ARAP2: variants seen among roughly 807,000 people sequenced by gnomAD.
ARAP2 encodes the protein ArfGAP with RhoGAP domain, ankyrin repeat and PH domain 2, also known as arf-GAP with Rho-GAP domain, ANK repeat and PH domain-containing protein 2.
Under a neutral mutation model 194.5 loss-of-function variants are expected in ARAP2, and 148 were observed. The observed-to-expected ratio is 0.76, with a 90% CI of 0.67 to 0.87. The LOEUF is 0.87. Among genes scored for constraint, ARAP2 ranks in the 40% least tolerant of loss-of-function variants. ARAP2 has a pLI of 0.00. For synonymous variants in ARAP2, 695 were observed against 683.5 expected (o/e 1.02, Z -0.26); for missense variants, 2,128 against 1,989.7 (o/e 1.07, Z -1.32).
At chr4:36,206,425 TC>T (rs1411831757) in intron 6 of ARAP2, among the ~76,000 whole-genome samples, 1 of 152,160 alleles carries the variant, frequency 6.6e-6, no homozygotes, top group Admixed American at 6.5e-5. Context: ...AACTCCAACC[TC>T]CACCTGCTCA....
At chr4:36,189,182 TAAAC>T (rs1488278148) in intron 7 of ARAP2, among the ~76,000 whole-genome samples, 1 of 152,196 alleles carries the variant, frequency 6.6e-6, no homozygotes, top group Non-Finnish European at 1.5e-5. Context: ...AAGCACTTAG[TAAAC>T]AACTTATTTC....
At chr4:36,115,922 C>A (rs1227713309) in intron 25 of ARAP2, among the ~76,000 whole-genome samples, 5 of 151,964 alleles carry the variant, frequency 3.3e-5, no homozygotes, top group Admixed American at 3.3e-4. Flanking sequence ...TCAATTATAA[C>A]TTCTGTTGTG....
At chr4:36,217,661 C>T (rs1748246001) in intron 2 of ARAP2, among the ~76,000 whole-genome samples, 1 of 150,726 alleles carries the variant, frequency 6.6e-6, no homozygotes, top group South Asian at 2.1e-4. Flanking sequence ...TAAAATGGTG[C>T]CAAATAGTAT....
intron 2 of ARAP2, among the ~76,000 whole-genome samples, chr4:36,215,090 A>G (rs964901489): frequency 2.0e-5 from 3 of 152,226 alleles, no homozygotes; most frequent in African/African-American, 4.8e-5. Context: ...AAGGCCTTCT[A>G]TCATATAACA....
intron 1 of ARAP2, among the ~76,000 whole-genome samples, chr4:36,240,600 G>A (rs1454378234): frequency 2.0e-5 from 3 of 152,106 alleles, no homozygotes; most frequent in Admixed American, 1.3e-4. Flanking sequence ...CCTACCTCAC[G>A]GGGATATTTT....
At position 36,159,460 on chromosome 4, in the gene ARAP2, C is replaced by A; in HGVS notation, c.2488G>T (p.Ala830Ser). 1 of 1,593,498 alleles carries A rather than the reference C, an allele frequency of 6.3e-7. No individual in the cohort carries two copies. Among genetic ancestry groups the A allele is most frequent in the Non-Finnish European group, 8.6e-7 (1 of 1,167,264 alleles). The change falls in exon 14 of 33, where the codon GCT becomes TCT. Residue 830 changes from alanine to serine, a missense_variant. Physicochemically the swap from Ala to Ser is moderately conservative, Grantham distance 99. Coordinates refer to ENST00000303965, the MANE Select transcript of ARAP2 (RefSeq NM_015230.4). The part of the protein sequence containing the change: ...VVKPDVLETM[A>S]LLFSGADVMC... Reference sequence around the variant, plus strand: ...ACATCTGCTCCACTGAACAGCAAAGCCATTGTTTCTAGAACATCCGGTTTC... The same window carrying A: ...ACATCTGCTCCACTGAACAGCAAAGACATTGTTTCTAGAACATCCGGTTTC...
chr4:36,018,777 T>A (rs888718997), intron 6 of ARAP2, among the ~76,000 whole-genome samples: 1 of 152,218 alleles, frequency 6.6e-6, no homozygotes. Context: ...GTCCTGGTCA[T>A]TCACATATAA....
chr4:36,042,436 A>G (rs75299293), intron 5 of ARAP2, among the ~76,000 whole-genome samples: 1,542 of 152,342 alleles, frequency 0.01, 17 homozygotes, highest in African/African-American at 0.028. Context: ...CAATTATAAA[A>G]TGCTTAATGT....
intron 1 of ARAP2, among the ~76,000 whole-genome samples, chr4:36,059,546 A>G (rs901779985): frequency 2.0e-5 from 3 of 152,342 alleles, no homozygotes; most frequent in Middle Eastern, 6.8e-3. Flanking sequence ...TGTACATTCA[A>G]GTGGAAATGT....
At chr4:36,020,230 G>GT (rs1716676744) in intron 5 of ARAP2, among the ~76,000 whole-genome samples, 2 of 152,162 alleles carry the variant, frequency 1.3e-5, no homozygotes, top group Non-Finnish European at 2.9e-5. Context: ...GGTCAACATG[G>GT]TGAAACCCCG....
At chr4:36,074,305 C>G (rs1443169353) in intron 31 of ARAP2, among the ~76,000 whole-genome samples, 2 of 152,212 alleles carry the variant, frequency 1.3e-5, no homozygotes, top group Non-Finnish European at 2.9e-5. Context: ...ACTATTTTAT[C>G]TAATTGAATT....
At chr4:36,047,787 T>C (rs1722067453) in intron 3 of ARAP2, among the ~76,000 whole-genome samples, 1 of 152,154 alleles carries the variant, frequency 6.6e-6, no homozygotes, top group South Asian at 2.1e-4. Flanking sequence ...TCTCTGAAAT[T>C]TCATTAGTAT....
At chr4:36,199,922 A>G (rs1251409667) in intron 6 of ARAP2, among the ~76,000 whole-genome samples, 1 of 152,236 alleles carries the variant, frequency 6.6e-6, no homozygotes, top group African/African-American at 2.4e-5. Context: ...ATATAGGGAT[A>G]TCAAATCATC....
At chr4:36,107,775 TC>T in intron 26 of ARAP2, 82 bp from the exon 27 acceptor site, 1 of 1,397,810 alleles carries the variant, frequency 7.2e-7, no homozygotes, top group Non-Finnish European at 9.6e-7. Context: ...TTTTAAAAAA[TC>T]CATTTGAAAA....
At chr4:36,005,925 CA>C (rs1308908248) in intron 10 of ARAP2, 1 of 152,188 alleles carries the variant, frequency 6.6e-6, no homozygotes, top group Non-Finnish European at 1.5e-5. Context: ...GCAATTTCTA[CA>C]AAAGTTCCTG....
intron 2 of ARAP2, among the ~76,000 whole-genome samples, chr4:36,223,197 G>T (rs916833719): frequency 6.6e-6 from 1 of 151,926 alleles, no homozygotes; most frequent in Admixed American, 6.6e-5. Flanking sequence ...TTAAAATAAA[G>T]CTTTATTTTA....
At chr4:36,084,836 CTAT>C (rs1042268330) in intron 28 of ARAP2, among the ~76,000 whole-genome samples, 29 of 151,936 alleles carry the variant, frequency 1.9e-4, no homozygotes, top group African/African-American at 6.8e-4. Context: ...AGTAAGTTCA[CTAT>C]TATTATCATA....
chr4:36,169,670 T>G (rs748702980), intron 9 of ARAP2, among the ~76,000 whole-genome samples: 11 of 152,106 alleles, frequency 7.2e-5, no homozygotes, highest in African/African-American at 1.9e-4. Flanking sequence ...TAGCTGGGAC[T>G]ACAGGTGTGC....
chr4:36,051,274 C>T (rs1403670469), intron 3 of ARAP2, among the ~76,000 whole-genome samples: 1 of 151,924 alleles, frequency 6.6e-6, no homozygotes. Context: ...GGCTGAGGAG[C>T]TCGAGACAAG....
Sources: allele counts gnomAD v4.1 joint callset (sites outside exome capture counted in the v4.1 genomes callset), GRCh38; gene constraint gnomAD v4.1.1; transcripts MANE v1.5; gene names NCBI Gene and HGNC (gene_info 2026-07-23, HGNC 2026-07-21).